Variants in GAN observed in about 807,000 individuals in gnomAD.
The protein encoded by GAN is epididymis secretory sperm binding protein.
GAN carries 48 observed loss-of-function variants against 71.3 expected under a neutral mutation model. That is an observed-to-expected ratio of 0.67 (90% CI 0.53 to 0.86). The LOEUF (loss-of-function observed/expected upper bound fraction) is 0.86, where lower values mean the gene tolerates loss of function less well. Ranked by LOEUF, GAN falls within the 40% of genes least tolerant of loss-of-function variation. The pLI is 0.00. For missense variants in GAN, 928 were observed against 770.1 expected, an observed-to-expected ratio of 1.21 and a Z score of -2.43; for synonymous variants, 386 against 276.8, an observed-to-expected ratio of 1.39 and a Z score of -3.92.
intron 9 of GAN, among the ~76,000 whole-genome samples, chr16:81,374,899 G>A (rs974604730): frequency 1.1e-4 from 16 of 152,154 alleles, no homozygotes; most frequent in Admixed American, 6.5e-4. Context: ...AAATGGTGCT[G>A]GAACAGCTAG....
At chr16:81,321,231 C>G (rs890506708) in intron 1 of GAN, among the ~76,000 whole-genome samples, 1 of 152,170 alleles carries the variant, frequency 6.6e-6, no homozygotes, top group Non-Finnish European at 1.5e-5. Context: ...AGACTAGTGT[C>G]TGTAGCATAG....
chr16:81,330,183 C>T (rs1167451142), intron 1 of GAN, among the ~76,000 whole-genome samples: 1 of 152,372 alleles, frequency 6.6e-6, no homozygotes, highest in East Asian at 1.9e-4. Context: ...ACTGGTCTGT[C>T]TGCCTCCCTG....
intron 1 of GAN, among the ~76,000 whole-genome samples, chr16:81,333,616 TC>T (rs1436605664): frequency 6.6e-6 from 1 of 152,210 alleles, no homozygotes; most frequent in Non-Finnish European, 1.5e-5. Context: ...TAGAAATGAT[TC>T]ATAGCAATTC....
intron 1 of GAN, among the ~76,000 whole-genome samples, chr16:81,324,589 G>C (rs1306839609): frequency 6.6e-6 from 1 of 152,114 alleles, no homozygotes; most frequent in East Asian, 1.9e-4. Flanking sequence ...GAAGGCCTGT[G>C]ATCCCTGAGT....
At chr16:81,360,393 C>T (rs1910635473) in intron 5 of GAN, among the ~76,000 whole-genome samples, 1 of 152,312 alleles carries the variant, frequency 6.6e-6, no homozygotes, top group East Asian at 1.9e-4. Flanking sequence ...CCACTGACTT[C>T]TGCCTTCCAT....
intron 1 of GAN, among the ~76,000 whole-genome samples, chr16:81,324,366 T>C (rs1181111717): frequency 6.6e-6 from 1 of 152,102 alleles, no homozygotes; most frequent in East Asian, 1.9e-4. Context: ...TGGCTGCTGC[T>C]GTGGCCTGGG....
intron 1 of GAN, among the ~76,000 whole-genome samples, chr16:81,329,254 A>G (rs1909491598): frequency 6.6e-6 from 1 of 151,682 alleles, no homozygotes; most frequent in Non-Finnish European, 1.5e-5. Context: ...CCTGGCGTGT[A>G]GGAGATGTGC....
intron 9 of GAN, 67 bp downstream of exon 9, chr16:81,365,545 T>G: frequency 6.9e-7 from 1 of 1,458,560 alleles, no homozygotes; most frequent in Non-Finnish European, 9.6e-7. Context: ...TATTTTAGCT[T>G]TGTTTAGTTT....
At chr16:81,365,735 A>G (rs768883475) in intron 9 of GAN, among the ~76,000 whole-genome samples, 1 of 151,788 alleles carries the variant, frequency 6.6e-6, no homozygotes, top group Non-Finnish European at 1.5e-5. Context: ...GGCTCCCTAT[A>G]GCTTTTAGGA....
At chr16:81,372,864 T>G (rs1911080075) in intron 9 of GAN, among the ~76,000 whole-genome samples, 1 of 152,394 alleles carries the variant, frequency 6.6e-6, no homozygotes, top group South Asian at 2.1e-4. Context: ...ATTTTCACTT[T>G]CAGCACAAGC....
chr16:81,323,826 G>A (rs1037566060), intron 1 of GAN, among the ~76,000 whole-genome samples: 11 of 152,116 alleles, frequency 7.2e-5, no homozygotes, highest in Admixed American at 6.5e-4. Flanking sequence ...CCATCCTCTT[G>A]TGCTGCCTGC....
At chr16:81,349,692 T>G (rs2150682798) in intron 1 of GAN, among the ~76,000 whole-genome samples, 1 of 152,324 alleles carries the variant, frequency 6.6e-6, no homozygotes, top group South Asian at 2.1e-4. Flanking sequence ...CTGTTCTGTT[T>G]GTATTCAGTC....
intron 1 of GAN, among the ~76,000 whole-genome samples, chr16:81,323,436 T>G (rs1011344443): frequency 3.3e-5 from 5 of 152,126 alleles, no homozygotes; most frequent in Admixed American, 3.3e-4. Flanking sequence ...AGAAAAGGGG[T>G]TATGAAAATA....
At position 81,363,916 on chromosome 16, in the gene GAN, G is replaced by A. The variant is rs1910762704; in HGVS notation, c.1209G>A (p.Lys403=). 1.9e-6 allele frequency: 3 copies of A among 1,613,298 alleles called. No individual in the cohort carries two copies. Among genetic ancestry groups the A allele is most frequent in the Non-Finnish European group, 2.5e-6 (3 of 1,179,248 alleles). The stretch of plus-strand genomic sequence containing the variant: ...ATATTTATTCTAAAACCTGGACAAA[G>A]CAACCTGATTTGACCATGGTCAGAA... ...CYDIYSKTWT[K]QPDLTMVRKI... Residue 403 remains lysine (K), a synonymous_variant, in exon 7 of 11, where the codon AAG becomes AAA. Transcript: ENST00000648994.
chr16:81,360,614 C>T lies in GAN; in HGVS notation c.974-1885C>T, dbSNP rs182065340. 1.8e-3 allele frequency among the ~76,000 whole-genome samples: 265 copies of T among 151,146 alleles called. 1 individual carries two copies. Among genetic ancestry groups the T allele is most frequent in the African/African-American group, 5.9e-3 (244 of 41,182 alleles). On this transcript the variant is annotated intron_variant, in intron 5 of 10. Transcript: ENST00000648994. ...ATTTCTACAAATTCTTGTCTTTTTACAGGAGAATAACTTAATCCACCATTA... is the reference window on the plus strand; with the variant it reads ...ATTTCTACAAATTCTTGTCTTTTTATAGGAGAATAACTTAATCCACCATTA...
chr16:81,317,508 A>G (rs1390256932), intron 1 of GAN, among the ~76,000 whole-genome samples: 1 of 152,236 alleles, frequency 6.6e-6, no homozygotes, highest in South Asian at 2.1e-4. Flanking sequence ...TTGACACCTC[A>G]TAGGTCTGTT....
At chr16:81,316,125 T>C (rs916600170) in intron 1 of GAN, among the ~76,000 whole-genome samples, 3 of 152,176 alleles carry the variant, frequency 2.0e-5, no homozygotes, top group African/African-American at 7.2e-5. Flanking sequence ...CTTATACAAG[T>C]GTATCAGATC....
At position 81,362,488 on chromosome 16, in the gene GAN, G is replaced by T. The variant is rs753746307; in HGVS notation, c.974-11G>T. The T allele has an allele frequency of 1.3e-5, 19 of 1,424,646 alleles. 1 individual carries two copies. In the South Asian group the frequency reaches 1.8e-4, roughly 14 times the overall value. The allele number at this position is 1,424,646 out of a possible 1,614,324, so 88.3% of individuals were successfully genotyped here. A position where few individuals can be genotyped will look rare whatever the true frequency, so the allele number is the denominator to read the frequency against. ...CACATTTCATATTTGTGTTTCCTTT[G>T]ATCTTTGCAGAAGGATTTTTGTTTG... On this transcript the variant is annotated splice_polypyrimidine_tract_variant and intron_variant, in intron 5 of 10. Transcript: ENST00000648994.
chr16:81,366,134 C>T (rs1445080532), intron 9 of GAN, among the ~76,000 whole-genome samples: 3 of 152,170 alleles, frequency 2.0e-5, no homozygotes, highest in Non-Finnish European at 2.9e-5. Context: ...CTCATGCCTC[C>T]TAGTCTGATT....
Sources: gnomAD v4.1 joint callset for allele counts (sites outside exome capture counted in the v4.1 genomes callset) on GRCh38, gnomAD v4.1.1 for gene constraint, MANE v1.5 for transcripts, NCBI Gene and HGNC (gene_info 2026-07-23, HGNC 2026-07-21) for gene names.